The following CDK14 variants were observed in gnomAD, a reference collection of about 807,000 sequenced individuals.
The protein encoded by CDK14 is cyclin-dependent kinase 14.
Under a neutral mutation model 60.7 loss-of-function variants are expected in CDK14, and 34 were observed. That is an observed-to-expected ratio of 0.56 (90% CI 0.43 to 0.75). The LOEUF (loss-of-function observed/expected upper bound fraction) is 0.75, where lower values mean the gene tolerates loss of function less well. Among genes scored for constraint, CDK14 ranks in the 30% least tolerant of loss-of-function variants. CDK14 has a pLI of 0.00. For missense variants in CDK14, 482 were observed against 564.1 expected (o/e 0.85, Z 1.47); for synonymous variants, 197 against 203.7 (o/e 0.97, Z 0.28).
At chr7:91,066,739 C>T (rs760123069) in intron 11 of CDK14, among the ~76,000 whole-genome samples, 8 of 152,150 alleles carry the variant, frequency 5.3e-5, no homozygotes, top group African/African-American at 9.7e-5. Context: ...GGAATGTCAA[C>T]GAATTGCAGT....
At chr7:90,705,677 G>A (rs1276825339) in intron 2 of CDK14, among the ~76,000 whole-genome samples, 2 of 150,232 alleles carry the variant, frequency 1.3e-5, no homozygotes, top group African/African-American at 4.9e-5. Context: ...GGGGATGGCT[G>A]AGGAAGCCTG....
chr7:90,601,115 T>G (rs891020269), intron 1 of CDK14, among the ~76,000 whole-genome samples: 1 of 152,272 alleles, frequency 6.6e-6, no homozygotes, highest in Non-Finnish European at 1.5e-5. Flanking sequence ...GAGGAAGGAC[T>G]GTCTGAGCAG....
chr7:90,860,682 C>T (rs1584055756), intron 5 of CDK14, among the ~76,000 whole-genome samples: 1 of 152,040 alleles, frequency 6.6e-6, no homozygotes, highest in African/African-American at 2.4e-5. Flanking sequence ...CGTGCCACCA[C>T]ACCTAGCTAA....
At chr7:90,932,304 A>T (rs1303454787) in intron 8 of CDK14, among the ~76,000 whole-genome samples, 2 of 152,218 alleles carry the variant, frequency 1.3e-5, no homozygotes, top group East Asian at 3.8e-4. Context: ...CAGAAGTTGG[A>T]GACCAGCCTG....
At chr7:91,027,008 C>T (rs1796593770) in intron 10 of CDK14, among the ~76,000 whole-genome samples, 1 of 152,180 alleles carries the variant, frequency 6.6e-6, no homozygotes, top group African/African-American at 2.4e-5. Context: ...CTACCCTTTC[C>T]TGCGTAACTG....
intron 12 of CDK14, among the ~76,000 whole-genome samples, chr7:91,079,687 C>A (rs561518009): frequency 1.3e-5 from 2 of 152,304 alleles, no homozygotes; most frequent in East Asian, 3.9e-4. Flanking sequence ...GTTCCTAGAG[C>A]GATGTGGCAT....
At chr7:91,166,187 C>T (rs936577018) in intron 14 of CDK14, among the ~76,000 whole-genome samples, 3 of 152,128 alleles carry the variant, frequency 2.0e-5, no homozygotes, top group Non-Finnish European at 4.4e-5. Context: ...TATCTGGATT[C>T]CTATATTTTT....
chr7:90,747,738 G>A lies in CDK14; in HGVS notation c.427G>A (p.Glu143Lys), dbSNP rs963889531. 1.9e-6 allele frequency: 3 copies of A among 1,596,874 alleles called. No homozygotes were observed. Among genetic ancestry groups the A allele is most frequent in the Non-Finnish European group, 2.6e-6 (3 of 1,174,634 alleles). Residue 143 changes from glutamate (E) to lysine (K), a missense_variant, in exon 4 of 15, where the codon GAA (glutamate) becomes AAA (lysine). By Grantham distance (56) the Glu-to-Lys change is moderately conservative. Transcript: ENST00000380050. Reference protein sequence around the residue: ...DSYEKLEKLGEGSYATVYKGK... With the variant: ...DSYEKLEKLGKGSYATVYKGK... ...ATATGAAAAGCTGGAAAAACTAGGG[G>A]AAGGATCTTATGCTACAGTATACAA...
chr7:90,663,611 A>G (rs1455098389), intron 2 of CDK14, among the ~76,000 whole-genome samples: 4 of 152,066 alleles, frequency 2.6e-5, no homozygotes, highest in Non-Finnish European at 5.9e-5. Context: ...TTTTGGTCAT[A>G]CTCTTCTATT....
At chr7:90,696,569 C>T (rs938402103) in intron 2 of CDK14, among the ~76,000 whole-genome samples, 2 of 151,942 alleles carry the variant, frequency 1.3e-5, no homozygotes, top group Non-Finnish European at 2.9e-5. Flanking sequence ...CCCACCTCAG[C>T]CGTTTTGTAC....
At chr7:91,183,778 CA>C (rs1253736256) in intron 14 of CDK14, among the ~76,000 whole-genome samples, 1 of 152,212 alleles carries the variant, frequency 6.6e-6, no homozygotes, top group African/African-American at 2.4e-5. Flanking sequence ...AATCTACCCC[CA>C]AAGTCTCAGT....
chr7:90,846,257 C>T (rs1014181304), intron 5 of CDK14, among the ~76,000 whole-genome samples: 1 of 152,108 alleles, frequency 6.6e-6, no homozygotes, highest in African/African-American at 2.4e-5. Flanking sequence ...TATAAGGTTC[C>T]ACACTTGGCT....
At chr7:90,811,453 T>C (rs1299280916) in intron 5 of CDK14, among the ~76,000 whole-genome samples, 1 of 152,136 alleles carries the variant, frequency 6.6e-6, no homozygotes, top group Non-Finnish European at 1.5e-5. Context: ...TTACACCTTA[T>C]ACAAAAAATA....
intron 12 of CDK14, among the ~76,000 whole-genome samples, chr7:91,098,744 A>C (rs916772235): frequency 2.0e-5 from 3 of 152,138 alleles, no homozygotes; most frequent in African/African-American, 7.2e-5. Context: ...ATCATGGCCC[A>C]AGATTCACCA....
In CDK14 at chr7:91,207,138, A is replaced by G. The variant is rs553317744; in HGVS notation, c.*29-27A>G. On this transcript the variant is annotated intron_variant, in intron 14 of 14. Transcript: ENST00000380050. ...AATGAATGGTGTAGATTTTTTATAT[A>G]ACAATTTTCTATTTTCCTCCTTCCA... 7.3e-5 allele frequency: 11 copies of G among 150,964 alleles called. No individual in the cohort carries two copies. In the South Asian group the frequency reaches 2.3e-3, roughly 32 times the overall value. 9.4% of individuals were successfully genotyped at this position (150,964 alleles called of 1,614,324 possible). A position where few individuals can be genotyped will look rare whatever the true frequency, so the allele number is the denominator to read the frequency against.
At chr7:90,628,536 T>C (rs998074723) in intron 2 of CDK14, among the ~76,000 whole-genome samples, 3 of 152,060 alleles carry the variant, frequency 2.0e-5, no homozygotes, top group African/African-American at 7.2e-5. Flanking sequence ...AAGATGAAAT[T>C]TGGGCCAGGC....
chr7:90,895,459 CCCTCCCCTCTCCTCTCCTCA>C (rs1562817734), intron 6 of CDK14, among the ~76,000 whole-genome samples: 9 of 4,818 alleles, frequency 1.9e-3, no homozygotes, highest in Middle Eastern at 0.12. Flanking sequence ...CCCTCCCCTC[CCCTCCCCTCTCCTCTCCTCA>C]CCTCTCCTCT....
chr7:90,980,926 A>G (rs973613807), intron 9 of CDK14, among the ~76,000 whole-genome samples: 6 of 152,240 alleles, frequency 3.9e-5, no homozygotes, highest in Non-Finnish European at 7.3e-5. Context: ...AATAAATTCT[A>G]TAAGTAGTTC....
intron 2 of CDK14, chr7:90,709,284 G>C (rs1563052338): frequency 3.5e-6 from 2 of 575,048 alleles, no homozygotes; most frequent in Non-Finnish European, 5.4e-6. Flanking sequence ...CATGATGGTG[G>C]CTGAAACTTG....
Sources: gnomAD v4.1 joint callset for allele counts (sites outside exome capture counted in the v4.1 genomes callset) on GRCh38, gnomAD v4.1.1 for gene constraint, MANE v1.5 for transcripts, NCBI Gene and HGNC (gene_info 2026-07-23, HGNC 2026-07-21) for gene names.